BMPR1A: variants seen among roughly 807,000 people sequenced by gnomAD.
The protein encoded by BMPR1A is bone morphogenetic protein receptor type 1A.
In BMPR1A, 7 loss-of-function variants were observed where a neutral mutation model predicts 66.0. The observed-to-expected ratio is 0.11, with a 90% CI of 0.06 to 0.20. The LOEUF is 0.20. Ranked by LOEUF, BMPR1A falls within the 10% of genes least tolerant of loss-of-function variation. The pLI is 1.00. For missense variants in BMPR1A, 408 were observed against 669.1 expected (o/e 0.61, Z 4.31); for synonymous variants, 200 against 229.7 (o/e 0.87, Z 1.17).
At chr10:86,822,112 G>T (rs1842128654) in intron 1 of BMPR1A, among the ~76,000 whole-genome samples, 1 of 152,116 alleles carries the variant, frequency 6.6e-6, no homozygotes, top group South Asian at 2.1e-4. Context: ...ACAGACCCGA[G>T]CCAGCATGCC....
intron 2 of BMPR1A, among the ~76,000 whole-genome samples, chr10:86,843,006 G>A (rs1045429240): frequency 6.6e-6 from 1 of 152,146 alleles, no homozygotes; most frequent in African/African-American, 2.4e-5. Context: ...TATCGTTGGT[G>A]ATATGAATGG....
chr10:86,760,481 G>A (rs554420876), intron 1 of BMPR1A, among the ~76,000 whole-genome samples: 2 of 151,842 alleles, frequency 1.3e-5, no homozygotes, highest in East Asian at 3.9e-4. Context: ...CAGTTGATCC[G>A]CTCGCCTCAG....
intron 1 of BMPR1A, among the ~76,000 whole-genome samples, chr10:86,793,969 T>C (rs1301175900): frequency 6.6e-6 from 1 of 152,202 alleles, no homozygotes; most frequent in Non-Finnish European, 1.5e-5. Context: ...GACATGGCTC[T>C]GACCTCCTGT....
At chr10:86,821,192 C>G (rs1037478916) in intron 1 of BMPR1A, among the ~76,000 whole-genome samples, 1 of 152,178 alleles carries the variant, frequency 6.6e-6, no homozygotes, top group African/African-American at 2.4e-5. Flanking sequence ...TGGTTCAAAT[C>G]CTGGCTTCAG....
downstream of BMPR1A, chr10:86,929,321 G>A (rs1483177286): frequency 6.6e-6 from 1 of 152,098 alleles, no homozygotes; most frequent in Non-Finnish European, 1.5e-5. Context: ...AGAGCGATGG[G>A]ATGCATTTAC....
At chr10:86,915,643 G>A (rs1350445624) in intron 8 of BMPR1A, among the ~76,000 whole-genome samples, 1 of 152,062 alleles carries the variant, frequency 6.6e-6, no homozygotes, top group Non-Finnish European at 1.5e-5. Flanking sequence ...GCAGGAAATT[G>A]TTTTAACTGG....
chr10:86,777,801 G>A (rs940091121), intron 1 of BMPR1A, among the ~76,000 whole-genome samples: 9 of 152,002 alleles, frequency 5.9e-5, no homozygotes, highest in Non-Finnish European at 1.3e-4. Flanking sequence ...ATCACCTGAG[G>A]TTGGGAGTTT....
At chr10:86,887,005 A>G (rs1013912019) in intron 3 of BMPR1A, among the ~76,000 whole-genome samples, 7 of 151,368 alleles carry the variant, frequency 4.6e-5, no homozygotes, top group Admixed American at 2.0e-4. Flanking sequence ...TAATTTTTTA[A>G]TATTTTTAGT....
At chr10:86,807,630 A>T (rs1267634396) in intron 1 of BMPR1A, among the ~76,000 whole-genome samples, 1 of 151,678 alleles carries the variant, frequency 6.6e-6, no homozygotes, top group Non-Finnish European at 1.5e-5. Context: ...CAATTCTCCT[A>T]CCTCAGTCTC....
chr10:86,781,304 G>A (rs1452803484), intron 1 of BMPR1A, among the ~76,000 whole-genome samples: 1 of 152,128 alleles, frequency 6.6e-6, no homozygotes, highest in African/African-American at 2.4e-5. Flanking sequence ...TTCCCAATGA[G>A]TGTTTTTGGC....
chr10:86,777,429 A>G (rs1254644842), intron 1 of BMPR1A, among the ~76,000 whole-genome samples: 1 of 152,016 alleles, frequency 6.6e-6, no homozygotes, highest in Admixed American at 6.5e-5. Context: ...AAAAATTAAA[A>G]AGTTATTTGG....
intron 1 of BMPR1A, among the ~76,000 whole-genome samples, chr10:86,812,702 T>C (rs1255657815): frequency 1.3e-5 from 2 of 152,086 alleles, no homozygotes; most frequent in Non-Finnish European, 2.9e-5. Flanking sequence ...GTACGAAGAG[T>C]TCCCATATCC....
chr10:86,772,160 T>C (rs1331576167), intron 1 of BMPR1A, among the ~76,000 whole-genome samples: 1 of 145,560 alleles, frequency 6.9e-6, no homozygotes, highest in Non-Finnish European at 1.5e-5. Flanking sequence ...AGACAGAGTC[T>C]TTCTCTGTCG....
chr10:86,915,077 A>G (rs1843545103), intron 8 of BMPR1A, among the ~76,000 whole-genome samples: 1 of 152,252 alleles, frequency 6.6e-6, no homozygotes. Context: ...GTGAATTTCA[A>G]AAGTACTTTA....
At chr10:86,826,558 C>G (rs896471414) in intron 1 of BMPR1A, among the ~76,000 whole-genome samples, 1 of 152,054 alleles carries the variant, frequency 6.6e-6, no homozygotes, top group Admixed American at 6.6e-5. Context: ...TTTTCCTTTT[C>G]TTATATAAGC....
At position 86,900,425 on chromosome 10, in the gene BMPR1A, C is replaced by CT. The variant is rs561172840; in HGVS notation, c.530+313dup. Among the ~76,000 whole-genome samples, 17,921 of 136,990 alleles carry CT rather than the reference C, an allele frequency of 0.13. 1,247 individuals are homozygous for CT. Among genetic ancestry groups the CT allele is most frequent in the African/African-American group, 0.2 (7,564 of 37,580 alleles). The allele number at this position is 136,990 out of a possible 152,430, so 89.9% of individuals were successfully genotyped here. A position where few individuals can be genotyped will look rare whatever the true frequency, so the allele number is the denominator to read the frequency against. On this transcript the variant is annotated intron_variant, in intron 7 of 12. Coordinates refer to ENST00000372037, the MANE Select transcript of BMPR1A (RefSeq NM_004329.3). ...CCAAGAAACCCACTGTGTTATAATT[C>CT]TTTTTTTTTTTTTTGCGTTATAATT... is the stretch of plus-strand genomic sequence containing the variant.
intron 3 of BMPR1A, among the ~76,000 whole-genome samples, chr10:86,881,015 TA>T (rs1192535693): frequency 6.6e-6 from 1 of 151,910 alleles, no homozygotes; most frequent in Non-Finnish European, 1.5e-5. Flanking sequence ...CATCCACGGC[TA>T]AACTGAGAGT....
chr10:86,909,886 C>T (rs930922831), intron 7 of BMPR1A, among the ~76,000 whole-genome samples: 53 of 151,924 alleles, frequency 3.5e-4, no homozygotes, highest in African/African-American at 1.2e-3. Flanking sequence ...TAGGCATTCT[C>T]ATATGTTGGT....
intron 2 of BMPR1A, among the ~76,000 whole-genome samples, chr10:86,875,449 T>C (rs993217802): frequency 2.6e-5 from 4 of 152,210 alleles, no homozygotes; most frequent in Non-Finnish European, 5.9e-5. Flanking sequence ...GAATAAATTA[T>C]TTATTAGAAA....
Sources: allele counts gnomAD v4.1 joint callset (sites outside exome capture counted in the v4.1 genomes callset), GRCh38; gene constraint gnomAD v4.1.1; transcripts MANE v1.5; gene names NCBI Gene and HGNC (gene_info 2026-07-23, HGNC 2026-07-21).